Variants in MTR observed in about 807,000 individuals in gnomAD.
The protein encoded by MTR is methionine synthase.
MTR carries 84 observed loss-of-function variants against 154.8 expected under a neutral mutation model. The ratio of observed to expected loss-of-function variants is 0.54; its 90% confidence interval spans 0.45 to 0.65. The LOEUF (loss-of-function observed/expected upper bound fraction) is 0.65, where lower values mean the gene tolerates loss of function less well. Ranked by LOEUF, MTR falls within the 30% of genes least tolerant of loss-of-function variation. The probability of loss-of-function intolerance (pLI) is 0.00; values close to 1 mark genes in which losing one functional copy is unlikely to be tolerated. For missense variants in MTR, 1,275 were observed against 1,570.2 expected, an observed-to-expected ratio of 0.81 and a Z score of 3.18; for synonymous variants, 554 against 553.9, an observed-to-expected ratio of 1.00 and a Z score of 0.00.
rs1367990032 is a variant in MTR at position 236,903,019 on chromosome 1, A to G, written c.*5375A>G. 2 of 152,230 alleles carry G rather than the reference A, an allele frequency of 1.3e-5. No individual in the cohort carries two copies. Among genetic ancestry groups the G allele is most frequent in the African/African-American group, 4.8e-5 (2 of 41,442 alleles). The allele number at this position is 152,230 out of a possible 1,614,324, so 9.4% of individuals were successfully genotyped here. On this transcript the variant is annotated 3_prime_UTR_variant, in exon 33 of 33. Transcript: ENST00000366577. Reference sequence around the variant, plus strand: ...CACAGTGTCACATGCCTGTAAACCCAGCTATTCAGGAGGCTGAGGTGGGAG... The same window carrying G: ...CACAGTGTCACATGCCTGTAAACCCGGCTATTCAGGAGGCTGAGGTGGGAG...
chr1:236,886,370 C>G lies in MTR; in HGVS notation c.2851+3C>G. 1 of 1,613,956 alleles carries G rather than the reference C, an allele frequency of 6.2e-7. No individual in the cohort carries two copies. Among genetic ancestry groups the G allele is most frequent in the Non-Finnish European group, 8.5e-7 (1 of 1,179,862 alleles). On this transcript the variant is annotated splice_donor_region_variant and intron_variant, in intron 27 of 32. Transcript: ENST00000366577. ...TTGGCTGTCTGAACCTCACCCAGGT[C>G]TGTTTGGCTATGGACTAGAGAAAGA... is the stretch of plus-strand genomic sequence containing the variant.
intron 19 of MTR, among the ~76,000 whole-genome samples, chr1:236,860,820 A>C (rs763274866): frequency 6.6e-6 from 1 of 152,216 alleles, no homozygotes; most frequent in African/African-American, 2.4e-5. Flanking sequence ...ACTGCATACA[A>C]CATTCTGTTT....
At chr1:236,862,903 C>T (rs1365816106) in intron 21 of MTR, among the ~76,000 whole-genome samples, 1 of 152,202 alleles carries the variant, frequency 6.6e-6, no homozygotes, top group Non-Finnish European at 1.5e-5. Flanking sequence ...TTAAATTGAT[C>T]TGTTTGTGAA....
At chr1:236,895,571 G>A in intron 31 of MTR, 21 bp downstream of exon 31, 3 of 1,555,274 alleles carry the variant, frequency 1.9e-6, no homozygotes, top group Non-Finnish European at 2.6e-6. Flanking sequence ...GGAGGCTGCG[G>A]GTTCCTGTCT....
At position 236,900,176 on chromosome 1, in the gene MTR, A is replaced by G; in HGVS notation, c.*2532A>G. ...AAAAGTGAAATGTATGTCTGTCTAC[A>G]GGAAAATAGGTGAATAATTAGATAT... On this transcript the variant is annotated 3_prime_UTR_variant, in exon 33 of 33. Transcript: ENST00000366577. 1 of 409,130 alleles carries G rather than the reference A, an allele frequency of 2.4e-6. No homozygotes were observed. Among genetic ancestry groups the G allele is most frequent in the Non-Finnish European group, 4.9e-6 (1 of 204,268 alleles). The allele number at this position is 409,130 out of a possible 1,614,324, so 25.3% of individuals were successfully genotyped here.
chr1:236,895,645 G>T, intron 31 of MTR, 95 bp downstream of exon 31: 1 of 1,319,514 alleles, frequency 7.6e-7, no homozygotes. Flanking sequence ...TTTTTAAAAT[G>T]GAAGGGCTTC....
At chr1:236,807,702 T>G (rs937779884) in intron 3 of MTR, among the ~76,000 whole-genome samples, 1 of 152,228 alleles carries the variant, frequency 6.6e-6, no homozygotes, top group Non-Finnish European at 1.5e-5. Flanking sequence ...TTGGCATGTT[T>G]CCAGACACAT....
intron 18 of MTR, among the ~76,000 whole-genome samples, chr1:236,853,555 ATACTC>A (rs900690078): frequency 9.2e-5 from 14 of 152,228 alleles, no homozygotes; most frequent in African/African-American, 2.2e-4. Context: ...AAATAGAACT[ATACTC>A]TAGATGCTTT....
chr1:236,851,181 A>G (rs1477878794), intron 16 of MTR, among the ~76,000 whole-genome samples: 1 of 152,246 alleles, frequency 6.6e-6, no homozygotes, highest in Non-Finnish European at 1.5e-5. Context: ...ACCCATATGC[A>G]GAGTGGTGGA....
At chr1:236,814,113 A>C (rs890035424) in intron 6 of MTR, among the ~76,000 whole-genome samples, 1 of 152,196 alleles carries the variant, frequency 6.6e-6, no homozygotes, top group Non-Finnish European at 1.5e-5. Flanking sequence ...AATACTTGCA[A>C]GCAGGAAGAA....
intron 22 of MTR, among the ~76,000 whole-genome samples, chr1:236,864,153 T>A (rs3768136): frequency 0.22 from 33,155 of 152,178 alleles, 3,812 homozygotes; most frequent in South Asian, 0.32. Context: ...CTGTAGTAAG[T>A]ATGTGTTTCG....
chr1:236,865,944 A>T (rs774947914), intron 22 of MTR, among the ~76,000 whole-genome samples: 29 of 152,188 alleles, frequency 1.9e-4, no homozygotes, highest in Non-Finnish European at 3.8e-4. Context: ...GAGAGATTTC[A>T]TCATAGTCAC....
chr1:236,834,371 A>C (rs1464986795), intron 13 of MTR, among the ~76,000 whole-genome samples: 1 of 151,942 alleles, frequency 6.6e-6, no homozygotes, highest in Non-Finnish European at 1.5e-5. Flanking sequence ...GTAGAGATGG[A>C]GTTTTGCCAT....
intron 25 of MTR, among the ~76,000 whole-genome samples, chr1:236,881,392 A>G (rs945012960): frequency 6.6e-6 from 1 of 152,148 alleles, no homozygotes; most frequent in African/African-American, 2.4e-5. Flanking sequence ...TTCACTGAAT[A>G]ATGGGATATA....
At chr1:236,832,165 G>A in intron 13 of MTR, 87 bp downstream of exon 13, 1 of 1,062,016 alleles carries the variant, frequency 9.4e-7, no homozygotes, top group East Asian at 2.4e-5. Context: ...GCCTTTGATA[G>A]TGTTATTAGC....
intron 21 of MTR, 36 bp from the exon 22 acceptor site, chr1:236,863,418 A>G (rs1207071329): frequency 1.3e-6 from 2 of 1,578,438 alleles, no homozygotes; most frequent in Non-Finnish European, 1.7e-6. Flanking sequence ...ACCCTAAACA[A>G]CCCTGCCTTG....
At chr1:236,857,616 G>A (rs1002031480) in intron 18 of MTR, among the ~76,000 whole-genome samples, 41 of 152,176 alleles carry the variant, frequency 2.7e-4, no homozygotes, top group African/African-American at 8.9e-4. Flanking sequence ...CTAAAATGTC[G>A]CTTTGTGCCA....
chr1:236,819,255 A>G (rs1661778609), intron 8 of MTR, among the ~76,000 whole-genome samples: 1 of 152,050 alleles, frequency 6.6e-6, no homozygotes, highest in Admixed American at 6.6e-5. Flanking sequence ...CTTGTGCTCC[A>G]GTTATTTATT....
In MTR at chr1:236,885,699, C is replaced by T. The variant is rs537435066; in HGVS notation, c.2775+480C>T. The stretch of plus-strand genomic sequence containing the variant: ...GAACTGTCCGTCTCTTGATCAGCTT[C>T]AGGGAATCCATGGAGAACAGGCATA... On this transcript the variant is annotated intron_variant, in intron 26 of 32. Transcript: ENST00000366577. Among the ~76,000 whole-genome samples the T allele has an allele frequency of 4.6e-5, 7 of 152,354 alleles. No individual in the cohort carries two copies. The East Asian group carries it at 1.3e-3, about 29-fold the overall frequency.
Sources: allele counts gnomAD v4.1 joint callset (sites outside exome capture counted in the v4.1 genomes callset), GRCh38; gene constraint gnomAD v4.1.1; transcripts MANE v1.5; gene names NCBI Gene and HGNC (gene_info 2026-07-23, HGNC 2026-07-21).